The following KLF12 variants were observed in gnomAD, a reference collection of about 807,000 sequenced individuals.
KLF12 encodes KLF transcription factor 12.
KLF12 carries 9 observed loss-of-function variants against 37.8 expected under a neutral mutation model. That is an observed-to-expected ratio of 0.24 (90% CI 0.14 to 0.42). KLF12 has a LOEUF of 0.42. Among genes scored for constraint, KLF12 ranks in the 10% least tolerant of loss-of-function variants. KLF12 has a pLI of 1.00. For missense variants in KLF12, 411 were observed against 516.0 expected (o/e 0.80, Z 1.97); for synonymous variants, 208 against 202.1 (o/e 1.03, Z -0.25).
intron 2 of KLF12, among the ~76,000 whole-genome samples, chr13:73,945,706 A>C (rs1489780368): frequency 6.6e-6 from 1 of 152,194 alleles, no homozygotes; most frequent in African/African-American, 2.4e-5. Context: ...TACACCACCT[A>C]GTCTATAAGG....
At chr13:73,907,630 G>A (rs1243608338) in intron 3 of KLF12, among the ~76,000 whole-genome samples, 1 of 152,182 alleles carries the variant, frequency 6.6e-6, no homozygotes, top group Non-Finnish European at 1.5e-5. Context: ...TCAAGACCCA[G>A]AGTAGTTAAG....
the KLF12 span, among the ~76,000 whole-genome samples, chr13:74,284,880 C>T: frequency 1.3e-5 from 2 of 152,202 alleles, no homozygotes; most frequent in Non-Finnish European, 2.9e-5. Flanking sequence ...TATGCAACAT[C>T]CCATATCCTA....
intron 3 of KLF12, among the ~76,000 whole-genome samples, chr13:73,935,710 C>G (rs924206656): frequency 6.6e-6 from 1 of 152,134 alleles, no homozygotes; most frequent in South Asian, 2.1e-4. Context: ...TTACTGCAAC[C>G]TCCACCTCCC....
chr13:74,015,228 T>C (rs1892657108), intron 1 of KLF12, among the ~76,000 whole-genome samples: 1 of 152,212 alleles, frequency 6.6e-6, no homozygotes, highest in Non-Finnish European at 1.5e-5. Flanking sequence ...TTGTAATCCC[T>C]AGTAAACTTA....
chr13:73,934,397 C>T (rs1889830179), intron 3 of KLF12, among the ~76,000 whole-genome samples: 1 of 152,192 alleles, frequency 6.6e-6, no homozygotes, highest in African/African-American at 2.4e-5. Flanking sequence ...CAATATGTCA[C>T]GAACTCCACC....
At chr13:74,261,642 T>C in the KLF12 span, among the ~76,000 whole-genome samples, 1 of 152,240 alleles carries the variant, frequency 6.6e-6, no homozygotes, top group African/African-American at 2.4e-5. Flanking sequence ...ATTTAGATTT[T>C]AGTGTCTTTT....
intron 3 of KLF12, among the ~76,000 whole-genome samples, chr13:73,907,105 A>G (rs1888337497): frequency 6.6e-6 from 1 of 152,206 alleles, no homozygotes; most frequent in Non-Finnish European, 1.5e-5. Flanking sequence ...AATTGTGTTT[A>G]TCAAAGATAT....
At chr13:73,771,699 CCAGTT>C (rs1880283905) in intron 5 of KLF12, among the ~76,000 whole-genome samples, 1 of 152,038 alleles carries the variant, frequency 6.6e-6, no homozygotes, top group Admixed American at 6.6e-5. Flanking sequence ...AGCTTACAGT[CCAGTT>C]GAGATAAACA....
intron 1 of KLF12, among the ~76,000 whole-genome samples, chr13:74,052,234 C>G (rs929495464): frequency 6.6e-6 from 1 of 152,046 alleles, no homozygotes; most frequent in Non-Finnish European, 1.5e-5. Context: ...AAACAGAAAA[C>G]AGCTCCATGT....
At chr13:73,707,552 T>G (rs1007884771) in intron 7 of KLF12, among the ~76,000 whole-genome samples, 8 of 152,190 alleles carry the variant, frequency 5.3e-5, no homozygotes, top group African/African-American at 1.9e-4. Context: ...TTAAATGATT[T>G]ATTATCTTGG....
At chr13:74,252,986 T>G in the KLF12 span, among the ~76,000 whole-genome samples, 3 of 48,746 alleles carry the variant, frequency 6.2e-5, no homozygotes, top group Non-Finnish European at 1.2e-4. Flanking sequence ...TGTCTATCTA[T>G]CTATCTATCT....
intron 1 of KLF12, among the ~76,000 whole-genome samples, chr13:74,056,823 G>A (rs1234481801): frequency 6.6e-6 from 1 of 152,172 alleles, no homozygotes; most frequent in African/African-American, 2.4e-5. Context: ...TTTTTGGGAG[G>A]GGAGAGAAGG....
chr13:73,873,815 T>A (rs1566430912), intron 3 of KLF12, among the ~76,000 whole-genome samples: 1 of 152,142 alleles, frequency 6.6e-6, no homozygotes, highest in Non-Finnish European at 1.5e-5. Context: ...TTAATATGTT[T>A]TAAAATATCT....
At chr13:74,268,214 CA>C in the KLF12 span, among the ~76,000 whole-genome samples, 1 of 152,108 alleles carries the variant, frequency 6.6e-6, no homozygotes. Flanking sequence ...TCAATTTTTC[CA>C]GTAGAATTAT....
chr13:73,992,158 T>C (rs1891986116), intron 2 of KLF12, among the ~76,000 whole-genome samples: 1 of 152,184 alleles, frequency 6.6e-6, no homozygotes, highest in Non-Finnish European at 1.5e-5. Flanking sequence ...TGAGAAGCAC[T>C]GGGTAAACAT....
intron 1 of KLF12, among the ~76,000 whole-genome samples, chr13:74,005,654 CAT>C (rs1319637863): frequency 6.6e-6 from 1 of 152,134 alleles, no homozygotes; most frequent in African/African-American, 2.4e-5. Flanking sequence ...AAGTATTACA[CAT>C]GACTCTGTTC....
chr13:73,940,026 C>A (rs976950532), intron 3 of KLF12, among the ~76,000 whole-genome samples: 2 of 152,112 alleles, frequency 1.3e-5, no homozygotes, highest in African/African-American at 4.8e-5. Context: ...AATAACTTCC[C>A]AATGTCATTC....
At chr13:73,770,325 G>A (rs536696589) in intron 5 of KLF12, among the ~76,000 whole-genome samples, 12 of 152,214 alleles carry the variant, frequency 7.9e-5, no homozygotes, top group African/African-American at 2.9e-4. Flanking sequence ...ATATGAGTGT[G>A]ACCAGTGTTT....
intron 3 of KLF12, among the ~76,000 whole-genome samples, chr13:73,916,247 GCA>G (rs34551604): frequency 0.71 from 103,974 of 146,290 alleles, 36,598 homozygotes; most frequent in East Asian, 0.89. Flanking sequence ...ACACGCACAC[GCA>G]CACACACACA....
Sources: gnomAD v4.1 joint callset for allele counts (sites outside exome capture counted in the v4.1 genomes callset) on GRCh38, gnomAD v4.1.1 for gene constraint, MANE v1.5 for transcripts, NCBI Gene and HGNC (gene_info 2026-07-23, HGNC 2026-07-21) for gene names.